Variants in MSRA observed in about 807,000 individuals in gnomAD.
MSRA encodes mitochondrial peptide methionine sulfoxide reductase.
Under a neutral mutation model 31.3 loss-of-function variants are expected in MSRA, and 54 were observed. That is an observed-to-expected ratio of 1.73 (90% confidence interval 1.39 to 2.17). The LOEUF (loss-of-function observed/expected upper bound fraction) is 2.17. Ranked by LOEUF, MSRA falls within the 30% of genes most tolerant of loss-of-function variation. The probability of loss-of-function intolerance (pLI) is 0.00; values close to 1 mark genes in which losing one functional copy is unlikely to be tolerated. For synonymous variants in MSRA, 169 were observed against 116.5 expected, an observed-to-expected ratio of 1.45 and a Z score of -2.90; for missense variants, 507 against 300.9, an observed-to-expected ratio of 1.69 and a Z score of -5.07.
intron 1 of MSRA, among the ~76,000 whole-genome samples, chr8:10,156,030 G>A (rs1029030397): frequency 6.6e-6 from 1 of 152,106 alleles, no homozygotes; most frequent in Non-Finnish European, 1.5e-5. Context: ...GTCACTAATG[G>A]TGGGAGTCCT....
intron 1 of MSRA, among the ~76,000 whole-genome samples, chr8:10,156,159 A>G (rs1373350304): frequency 6.6e-6 from 1 of 152,236 alleles, no homozygotes. Context: ...AGGGAGACCA[A>G]GCAGAAATAA....
At chr8:10,403,794 A>G (rs536569811) in intron 5 of MSRA, among the ~76,000 whole-genome samples, 15 of 152,338 alleles carry the variant, frequency 9.8e-5, no homozygotes, top group Admixed American at 6.5e-4. Flanking sequence ...GCGGGACGTG[A>G]GTCCTGGCTC....
chr8:10,066,857 T>C (rs1159631817), intron 1 of MSRA, among the ~76,000 whole-genome samples: 1 of 151,672 alleles, frequency 6.6e-6, no homozygotes. Context: ...CTTTAGTATG[T>C]TCTTTTATCT....
intron 1 of MSRA, among the ~76,000 whole-genome samples, chr8:10,077,213 C>G (rs944060100): frequency 6.6e-6 from 1 of 152,128 alleles, no homozygotes; most frequent in South Asian, 2.1e-4. Context: ...CTTTTGCCAA[C>G]AATGATGGGC....
chr8:10,408,958 C>T (rs1275914076), intron 5 of MSRA, among the ~76,000 whole-genome samples: 2 of 152,154 alleles, frequency 1.3e-5, no homozygotes, highest in South Asian at 2.1e-4. Flanking sequence ...TTTCTTTTTC[C>T]GTTCATCTGT....
At chr8:10,247,592 A>C (rs910153764) in intron 3 of MSRA, among the ~76,000 whole-genome samples, 1 of 152,212 alleles carries the variant, frequency 6.6e-6, no homozygotes, top group Non-Finnish European at 1.5e-5. Flanking sequence ...GGCCTCTAGC[A>C]AGTGGTAAAG....
chr8:10,320,072 T>C, intron 5 of MSRA, 83 bp downstream of exon 5: 5 of 791,226 alleles, frequency 6.3e-6, no homozygotes. Context: ...AGTCTGCTGC[T>C]TTTCAACTGG....
intron 3 of MSRA, among the ~76,000 whole-genome samples, chr8:10,245,942 C>G (rs149874598): frequency 6.6e-6 from 1 of 152,322 alleles, no homozygotes; most frequent in African/African-American, 2.4e-5. Context: ...ACAGACATTT[C>G]AGATACTGGT....
chr8:10,131,519 GT>G (rs1325561353), intron 1 of MSRA, among the ~76,000 whole-genome samples: 1 of 152,210 alleles, frequency 6.6e-6, no homozygotes, highest in Non-Finnish European at 1.5e-5. Context: ...AGGTTAGCAG[GT>G]TCGTAGGTGT....
At chr8:10,223,683 A>T (rs1159181966) in intron 2 of MSRA, among the ~76,000 whole-genome samples, 1 of 152,238 alleles carries the variant, frequency 6.6e-6, no homozygotes, top group Non-Finnish European at 1.5e-5. Context: ...ACTGGGACAG[A>T]AAATGTATTT....
intron 3 of MSRA, among the ~76,000 whole-genome samples, chr8:10,290,334 T>C (rs1310631689): frequency 1.3e-5 from 2 of 152,012 alleles, no homozygotes; most frequent in Non-Finnish European, 2.9e-5. Context: ...AATTAGAGAG[T>C]GCCCTGTCTT....
chr8:10,089,900 C>T (rs916226038), intron 1 of MSRA, among the ~76,000 whole-genome samples: 3 of 152,184 alleles, frequency 2.0e-5, no homozygotes, highest in Admixed American at 1.3e-4. Context: ...GGCACCAATC[C>T]GTTCATGTGG....
chr8:10,080,531 T>A (rs1223644637), intron 1 of MSRA, among the ~76,000 whole-genome samples: 1 of 152,020 alleles, frequency 6.6e-6, no homozygotes, highest in East Asian at 1.9e-4. Flanking sequence ...CTTTTTAATT[T>A]TGTTGTGTTT....
At chr8:10,363,411 G>A (rs922539283) in intron 5 of MSRA, among the ~76,000 whole-genome samples, 8 of 152,238 alleles carry the variant, frequency 5.3e-5, no homozygotes, top group Non-Finnish European at 7.4e-5. Flanking sequence ...GGGACCTCCC[G>A]TCCAAATTTA....
In MSRA at chr8:10,427,868, A is replaced by T. The variant is rs573748357; in HGVS notation, c.544-280A>T. On this transcript the variant is annotated intron_variant, in intron 5 of 5. Transcript: ENST00000317173. Reference sequence around the variant, plus strand: ...CAGCGTCCAAACCAGGGCCCCCAACATGCACTTGGGATGGCAGGGGTGTGG... The same window carrying T: ...CAGCGTCCAAACCAGGGCCCCCAACTTGCACTTGGGATGGCAGGGGTGTGG... 5.9e-5 allele frequency among the ~76,000 whole-genome samples: 9 copies of T among 152,294 alleles called. No homozygotes were observed. The East Asian group carries it at 1.7e-3, about 29-fold the overall frequency.
At chr8:10,336,475 T>C (rs7009948) in intron 5 of MSRA, among the ~76,000 whole-genome samples, 2 of 152,092 alleles carry the variant, frequency 1.3e-5, no homozygotes, top group African/African-American at 4.8e-5. Context: ...TTTGGCTTCT[T>C]TACAAAGTCG....
At chr8:10,327,205 A>G (rs1451021746) in intron 5 of MSRA, among the ~76,000 whole-genome samples, 1 of 152,112 alleles carries the variant, frequency 6.6e-6, no homozygotes, top group East Asian at 1.9e-4. Context: ...CAAATATAAA[A>G]CAGTGTTTTA....
chr8:10,382,663 A>G (rs1370554187), intron 5 of MSRA, among the ~76,000 whole-genome samples: 2 of 152,144 alleles, frequency 1.3e-5, no homozygotes, highest in African/African-American at 2.4e-5. Context: ...TGAGGCAAAC[A>G]CCTCATCTCT....
At chr8:10,333,444 T>A (rs929692831) in intron 5 of MSRA, among the ~76,000 whole-genome samples, 2 of 152,214 alleles carry the variant, frequency 1.3e-5, no homozygotes, top group Non-Finnish European at 2.9e-5. Context: ...CTTGCAGAGA[T>A]GCCTCTTCCG....
Sources: allele counts gnomAD v4.1 joint callset (sites outside exome capture counted in the v4.1 genomes callset), GRCh38; gene constraint gnomAD v4.1.1; transcripts MANE v1.5; gene names NCBI Gene and HGNC (gene_info 2026-07-23, HGNC 2026-07-21).